The following EXT1 variants were observed in gnomAD, a reference collection of about 807,000 sequenced individuals.
The protein encoded by EXT1 is exostosin-1.
Under a neutral mutation model 82.5 loss-of-function variants are expected in EXT1, and 20 were observed. The ratio of observed to expected loss-of-function variants is 0.24; its 90% CI spans 0.17 to 0.35. The LOEUF (loss-of-function observed/expected upper bound fraction) is 0.35. Among genes scored for constraint, EXT1 ranks in the 10% least tolerant of loss-of-function variants. The probability of loss-of-function intolerance (pLI) is 1.00; values close to 1 mark genes in which losing one functional copy is unlikely to be tolerated. For synonymous variants in EXT1, 348 were observed against 350.8 expected (o/e 0.99, Z 0.09); for missense variants, 757 against 936.5 (o/e 0.81, Z 2.50).
rs1394504053 is a variant in EXT1, at chr8:117,973,951, A to AAGGC, written c.962+136133_962+136134insGCCT. Among the ~76,000 whole-genome samples, 27 of 147,984 alleles carry AAGGC rather than the reference A, an allele frequency of 1.8e-4. No homozygotes were observed. The Admixed American group carries it at 1.8e-3, about 10-fold the overall frequency. ...AAAGCAAGGAAGGAAGGAAGGAAGG[A>AAGGC]AGGAAGGAAGGAAGGAAGGAAGGAA... On this transcript the variant is annotated intron_variant, in intron 1 of 10. Transcript: ENST00000378204.
At chr8:117,906,214 C>T (rs1813541475) in intron 1 of EXT1, among the ~76,000 whole-genome samples, 1 of 152,176 alleles carries the variant, frequency 6.6e-6, no homozygotes, top group South Asian at 2.1e-4. Context: ...ACTTTCACAG[C>T]ATCTCTCACA....
At chr8:118,049,580 G>A (rs553941209) in intron 1 of EXT1, among the ~76,000 whole-genome samples, 3 of 152,278 alleles carry the variant, frequency 2.0e-5, no homozygotes, top group Non-Finnish European at 2.9e-5. Context: ...TTTGAATGCT[G>A]CTCTTATGAG....
intron 1 of EXT1, among the ~76,000 whole-genome samples, chr8:118,069,696 G>A (rs552181270): frequency 6.6e-6 from 1 of 152,120 alleles, no homozygotes; most frequent in Non-Finnish European, 1.5e-5. Flanking sequence ...GATACTTGTA[G>A]CAACGTCGTA....
At chr8:118,050,218 G>A (rs1169198912) in intron 1 of EXT1, among the ~76,000 whole-genome samples, 5 of 152,180 alleles carry the variant, frequency 3.3e-5, no homozygotes, top group Non-Finnish European at 4.4e-5. Flanking sequence ...GAGGACCTGA[G>A]GTAAGGCAAT....
At chr8:118,062,151 T>C (rs1482404650) in intron 1 of EXT1, among the ~76,000 whole-genome samples, 3 of 152,138 alleles carry the variant, frequency 2.0e-5, no homozygotes, top group Non-Finnish European at 2.9e-5. Context: ...ACTTCCAGCT[T>C]TCTGGTCATT....
chr8:117,842,551 T>C (rs1026122314), intron 1 of EXT1, among the ~76,000 whole-genome samples: 2 of 152,192 alleles, frequency 1.3e-5, no homozygotes, highest in Non-Finnish European at 2.9e-5. Context: ...TGAATATAAA[T>C]GGCAAAGCAC....
At chr8:117,922,978 T>C (rs1813884772) in intron 1 of EXT1, among the ~76,000 whole-genome samples, 1 of 152,108 alleles carries the variant, frequency 6.6e-6, no homozygotes, top group African/African-American at 2.4e-5. Context: ...TTTATAGATA[T>C]AAGAAGCAGG....
chr8:118,099,353 T>G (rs1817676187), intron 1 of EXT1, among the ~76,000 whole-genome samples: 1 of 152,266 alleles, frequency 6.6e-6, no homozygotes, highest in Non-Finnish European at 1.5e-5. Context: ...CAGTACTATC[T>G]GCAAGAATCC....
chr8:117,938,264 C>A (rs748486060), intron 1 of EXT1, among the ~76,000 whole-genome samples: 6 of 152,016 alleles, frequency 3.9e-5, no homozygotes, highest in African/African-American at 9.7e-5. Context: ...GAGTTTGAAA[C>A]CAGCCTGGCC....
chr8:117,888,499 C>CTA lies in EXT1; in HGVS notation c.963-51300_963-51299dup, dbSNP rs147810070. On this transcript the variant is annotated intron_variant, in intron 1 of 10. Coordinates refer to ENST00000378204, the MANE Select transcript of EXT1 (RefSeq NM_000127.3). ...GCCATTGCCACATAGAGTCACACCA[C>CTA]TATATATATATATATCCTAGAAAGG... Among the ~76,000 whole-genome samples the CTA allele has an allele frequency of 1.7e-3, 252 of 149,520 alleles. 4 individuals are homozygous for CTA. Among genetic ancestry groups the CTA allele is most frequent in the South Asian group, 0.016 (74 of 4,744 alleles).
chr8:117,871,195 G>GA (rs1478895770), intron 1 of EXT1, among the ~76,000 whole-genome samples: 1 of 152,022 alleles, frequency 6.6e-6, no homozygotes, highest in African/African-American at 2.4e-5. Flanking sequence ...TATAATCAAG[G>GA]AAAAAATCAA....
intron 1 of EXT1, among the ~76,000 whole-genome samples, chr8:118,102,776 T>C (rs1301232636): frequency 5.3e-5 from 8 of 152,232 alleles, no homozygotes. Context: ...AGAAATTTAA[T>C]TATGTATTCC....
chr8:118,064,158 CAA>C (rs1378710262), intron 1 of EXT1, among the ~76,000 whole-genome samples: 6 of 152,164 alleles, frequency 3.9e-5, no homozygotes, highest in Non-Finnish European at 4.4e-5. Context: ...GCCACCGCGT[CAA>C]GTCGCTACAC....
At chr8:117,823,963 A>G (rs1811967405) in intron 4 of EXT1, among the ~76,000 whole-genome samples, 1 of 152,190 alleles carries the variant, frequency 6.6e-6, no homozygotes, top group Non-Finnish European at 1.5e-5. Context: ...TAATTATGAG[A>G]AAATTGTCAT....
At chr8:117,996,220 C>T (rs1314966906) in intron 1 of EXT1, among the ~76,000 whole-genome samples, 1 of 152,186 alleles carries the variant, frequency 6.6e-6, no homozygotes, top group African/African-American at 2.4e-5. Flanking sequence ...GAAAGGTGTT[C>T]CAATGGAGAG....
intron 2 of EXT1, among the ~76,000 whole-genome samples, chr8:117,835,842 T>C (rs1812180610): frequency 6.6e-6 from 1 of 152,230 alleles, no homozygotes; most frequent in Non-Finnish European, 1.5e-5. Flanking sequence ...CGACTGGCCT[T>C]GCTGGAGAAG....
chr8:117,857,969 G>A (rs1475937371), intron 1 of EXT1, among the ~76,000 whole-genome samples: 1 of 152,190 alleles, frequency 6.6e-6, no homozygotes, highest in Non-Finnish European at 1.5e-5. Flanking sequence ...GACTTCAGAA[G>A]AAGTCACTGC....
chr8:117,825,573 G>C (rs1180113655), intron 4 of EXT1, among the ~76,000 whole-genome samples: 1 of 152,206 alleles, frequency 6.6e-6, no homozygotes. Flanking sequence ...AATTCAAAGG[G>C]AAGAATGACA....
rs1817889217 is a variant in EXT1 at position 118,110,878 on chromosome 8, G to A, written c.169C>T (p.Arg57Cys). 2 of 1,612,978 alleles carry A rather than the reference G, an allele frequency of 1.2e-6. No individual in the cohort carries two copies. Among genetic ancestry groups the A allele is most frequent in the African/African-American group, 1.3e-5 (1 of 74,848 alleles). The change falls in exon 1 of 11, where the codon CGC (arginine) becomes TGC (cysteine). Residue 57 changes from arginine (R) to cysteine (C), a missense_variant. Physicochemically the swap from Arg to Cys is radical, Grantham distance 180. This residue lies in a region of EXT1 where 175 missense variants were observed against 159.0 expected (regional missense o/e 1.10). Coordinates refer to ENST00000378204, the MANE Select transcript of EXT1 (RefSeq NM_000127.3). The part of the protein sequence containing the change: ...HHPSPDHFWP[R>C]FPDALRPFVP... ...AAGGGGCGCAGAGCGTCCGGGAAGC[G>A]GGGCCAGAAATGATCCGGACTGGGG... is the stretch of plus-strand genomic sequence containing the variant.
Sources: allele counts gnomAD v4.1 joint callset (sites outside exome capture counted in the v4.1 genomes callset), GRCh38; gene constraint gnomAD v4.1.1; regional missense constraint gnomAD v4.1.1; transcripts MANE v1.5; gene names NCBI Gene and HGNC (gene_info 2026-07-23, HGNC 2026-07-21).